The following ACVR1 variants were observed in gnomAD, a reference collection of about 807,000 sequenced individuals.
ACVR1 encodes the protein activin A receptor type 1.
A neutral mutation model predicts 57.1 loss-of-function variants in ACVR1; 38 were observed. That is an observed-to-expected ratio of 0.67 (90% CI 0.51 to 0.87). ACVR1 has a LOEUF of 0.87. Among genes scored for constraint, ACVR1 ranks in the 40% least tolerant of loss-of-function variants. ACVR1 has a pLI of 0.00. For missense variants in ACVR1, 463 were observed against 638.2 expected (o/e 0.73, Z 2.96); for synonymous variants, 212 against 228.1 (o/e 0.93, Z 0.63).
chr2:157,795,910 A>G (rs1687098590), intron 3 of ACVR1, among the ~76,000 whole-genome samples: 2 of 151,918 alleles, frequency 1.3e-5, no homozygotes, highest in Non-Finnish European at 2.9e-5. Flanking sequence ...AGGTCCACCC[A>G]TGATATCATC....
At chr2:157,763,237 G>A (rs899801406) in intron 8 of ACVR1, among the ~76,000 whole-genome samples, 1 of 152,086 alleles carries the variant, frequency 6.6e-6, no homozygotes, top group Non-Finnish European at 1.5e-5. Context: ...TATTTTCAAG[G>A]GATGAATTTT....
intron 1 of ACVR1, among the ~76,000 whole-genome samples, chr2:157,819,718 G>C (rs1265171457): frequency 6.6e-6 from 1 of 150,946 alleles, no homozygotes; most frequent in African/African-American, 2.5e-5. Flanking sequence ...GGTGGGGAAG[G>C]AGTACAAAGC....
intron 9 of ACVR1, among the ~76,000 whole-genome samples, chr2:157,740,321 C>A (rs1464986571): frequency 1.3e-5 from 2 of 152,190 alleles, no homozygotes; most frequent in Non-Finnish European, 2.9e-5. Context: ...CTGCTACTCT[C>A]AGAAATCTTG....
chr2:157,787,057 T>C (rs1381000522), intron 3 of ACVR1, among the ~76,000 whole-genome samples: 1 of 152,176 alleles, frequency 6.6e-6, no homozygotes, highest in Non-Finnish European at 1.5e-5. Flanking sequence ...GCCATCTGTT[T>C]ATTTTGTGTC....
chr2:157,761,034 C>T lies in ACVR1; in HGVS notation c.1110G>A (p.Val370=). Residue 370 remains valine (V), a synonymous_variant, in exon 9 of 11, where the codon GTG becomes GTA. Coordinates refer to ENST00000434821, the MANE Select transcript of ACVR1 (RefSeq NM_001111067.4). Reference sequence around the variant, plus strand: ...TGGTGCCCACACGGGGATTGTTCCCCACATCAAGCTGATTGGTGCTCTGGG... The same window carrying T: ...TGGTGCCCACACGGGGATTGTTCCCTACATCAAGCTGATTGGTGCTCTGGG... ...MHSQSTNQLD[V]GNNPRVGTKR... is the part of the protein sequence containing the mutation. The T allele has an allele frequency of 6.2e-7, 1 of 1,614,086 alleles. No individual in the cohort carries two copies. The highest frequency in any genetic ancestry group is 8.5e-7 in the Non-Finnish European group (1 of 1,179,998).
rs142839545 is a variant in ACVR1 at position 157,858,258 on chromosome 2, TA to T, written c.-183+17537del. On this transcript the variant is annotated intron_variant, in intron 1 of 10. Coordinates refer to ENST00000434821, the MANE Select transcript of ACVR1 (RefSeq NM_001111067.4). Reference sequence around the variant, plus strand: ...AGGAGCCTCTCTTCAGTGTTCCTCCTACCTCTCAGGCTGTTCCCAGACTCTT... The same window carrying T: ...AGGAGCCTCTCTTCAGTGTTCCTCCTCCTCTCAGGCTGTTCCCAGACTCTT... Among the ~76,000 whole-genome samples, 1,142 of 152,224 alleles carry T rather than the reference TA, an allele frequency of 7.5e-3. 10 individuals are homozygous for T. Among genetic ancestry groups the T allele is most frequent in the African/African-American group, 0.026 (1,061 of 41,542 alleles).
chr2:157,775,535 C>T (rs1204137538), intron 5 of ACVR1, among the ~76,000 whole-genome samples: 2 of 152,194 alleles, frequency 1.3e-5, no homozygotes, highest in Non-Finnish European at 2.9e-5. Flanking sequence ...CTTCTGAGCA[C>T]CACTGTGAAG....
chr2:157,763,493 A>C (rs1685741905), intron 8 of ACVR1, among the ~76,000 whole-genome samples: 1 of 152,130 alleles, frequency 6.6e-6, no homozygotes, highest in African/African-American at 2.4e-5. Flanking sequence ...CCGAGATGGG[A>C]TTGTCACTTG....
chr2:157,821,503 G>A (rs1688159802), intron 1 of ACVR1, among the ~76,000 whole-genome samples: 1 of 151,358 alleles, frequency 6.6e-6, no homozygotes, highest in South Asian at 2.1e-4. Context: ...TCCAGCCTGG[G>A]GAACAGAGGG....
At chr2:157,817,329 G>A (rs187464615) in intron 2 of ACVR1, among the ~76,000 whole-genome samples, 1 of 152,246 alleles carries the variant, frequency 6.6e-6, no homozygotes, top group African/African-American at 2.4e-5. Context: ...TTCTGGAAAA[G>A]GTAAATGCAA....
At chr2:157,772,597 A>G (rs1244095202) in intron 6 of ACVR1, among the ~76,000 whole-genome samples, 1 of 152,238 alleles carries the variant, frequency 6.6e-6, no homozygotes, top group Non-Finnish European at 1.5e-5. Flanking sequence ...TCTGGAGCCA[A>G]TCTCTGAAGA....
At chr2:157,812,917 AG>A (rs1217840974) in intron 2 of ACVR1, among the ~76,000 whole-genome samples, 1 of 152,216 alleles carries the variant, frequency 6.6e-6, no homozygotes, top group Non-Finnish European at 1.5e-5. Context: ...CAAAGGATAT[AG>A]AAAGTCTAGG....
At chr2:157,740,683 C>T (rs1300964875) in intron 9 of ACVR1, among the ~76,000 whole-genome samples, 2 of 152,108 alleles carry the variant, frequency 1.3e-5, no homozygotes, top group Non-Finnish European at 2.9e-5. Flanking sequence ...TCTATAAATG[C>T]AAAAGGAAAC....
At chr2:157,790,966 C>T (rs34502852) in intron 3 of ACVR1, among the ~76,000 whole-genome samples, 3,947 of 152,288 alleles carry the variant, frequency 0.026, 52 homozygotes, top group Middle Eastern at 0.041. Context: ...ACATGGTGAC[C>T]GCTCATGATC....
chr2:157,853,664 A>G (rs1025712782), intron 1 of ACVR1, among the ~76,000 whole-genome samples: 1 of 152,224 alleles, frequency 6.6e-6, no homozygotes, highest in Non-Finnish European at 1.5e-5. Flanking sequence ...ATATTTCAGG[A>G]TAAGACCTGA....
intron 2 of ACVR1, among the ~76,000 whole-genome samples, chr2:157,800,874 A>G (rs1687298962): frequency 6.6e-6 from 1 of 151,856 alleles, no homozygotes; most frequent in Admixed American, 6.6e-5. Flanking sequence ...CTCTGCTTGA[A>G]CTGCCCTGAG....
chr2:157,803,391 G>A (rs986479307), intron 2 of ACVR1, among the ~76,000 whole-genome samples: 2 of 152,042 alleles, frequency 1.3e-5, no homozygotes, highest in Non-Finnish European at 2.9e-5. Context: ...TTGCCATTTT[G>A]TTCAGGGTCT....
intron 8 of ACVR1, among the ~76,000 whole-genome samples, chr2:157,761,801 T>C (rs1413454234): frequency 6.6e-6 from 1 of 152,222 alleles, no homozygotes; most frequent in Non-Finnish European, 1.5e-5. Context: ...GCATGCTTTA[T>C]TTGTGGATGA....
At position 157,778,262 on chromosome 2, in the gene ACVR1, A is replaced by G. The variant is rs529295345; in HGVS notation, c.412T>C (p.Leu138=). The G allele has an allele frequency of 3.2e-5, 51 of 1,614,132 alleles. No individual in the cohort carries two copies. The East Asian group carries it at 8.2e-4, about 26-fold the overall frequency. ...ILSVVFAVCL[L]ACLLGVALRK... is the part of the protein sequence containing the mutation. ...AGAGCAACTCCCAGCAGGCAGGCTA[A>G]AAGACATACTGCGAACACTACAGAG... Residue 138 remains leucine (L), a synonymous_variant, in exon 5 of 11, where the codon TTA becomes CTA. Coordinates refer to ENST00000434821, the MANE Select transcript of ACVR1 (RefSeq NM_001111067.4).
Sources: gnomAD v4.1 joint callset for allele counts (sites outside exome capture counted in the v4.1 genomes callset) on GRCh38, gnomAD v4.1.1 for gene constraint, MANE v1.5 for transcripts, NCBI Gene and HGNC (gene_info 2026-07-23, HGNC 2026-07-21) for gene names.